CIMAP2: variants seen among roughly 807,000 people sequenced by gnomAD.
CIMAP2 encodes ciliary microtubule-associated protein 2.
At chr1:54,827,576 C>A in the CIMAP2 span, among the ~76,000 whole-genome samples, 88 of 152,262 alleles carry the variant, frequency 5.8e-4, no homozygotes, top group East Asian at 4.6e-3. Context: ...CACTTAGCTG[C>A]GTGACCTGGG....
chr1:54,827,545 G>A, the CIMAP2 span, among the ~76,000 whole-genome samples: 2 of 152,096 alleles, frequency 1.3e-5, no homozygotes, highest in East Asian at 1.9e-4. Context: ...TTCTAACCCC[G>A]GCTTAGAATT....
chr1:54,825,298 G>A, the CIMAP2 span, among the ~76,000 whole-genome samples: 2 of 151,784 alleles, frequency 1.3e-5, no homozygotes, highest in Non-Finnish European at 2.9e-5. Flanking sequence ...TGATCCTCCC[G>A]CCTCGGCCTC....
the CIMAP2 span, among the ~76,000 whole-genome samples, chr1:54,823,512 T>C: frequency 1.1e-4 from 17 of 152,360 alleles, no homozygotes; most frequent in Admixed American, 9.1e-4. Context: ...AGTTATCTTC[T>C]AGACAGCAGC....
At chr1:54,820,401 C>T in the CIMAP2 span, among the ~76,000 whole-genome samples, 11 of 151,782 alleles carry the variant, frequency 7.2e-5, no homozygotes, top group Non-Finnish European at 1.2e-4. Flanking sequence ...TGGTCTCAAA[C>T]TCCTGGCTTC....
the CIMAP2 span, among the ~76,000 whole-genome samples, chr1:54,824,177 A>G: frequency 6.6e-6 from 1 of 152,048 alleles, no homozygotes; most frequent in Non-Finnish European, 1.5e-5. Flanking sequence ...ATGTGCCACT[A>G]TGCCTAGATA....
chr1:54,817,047 G>C, the CIMAP2 span: 2 of 1,614,176 alleles, frequency 1.2e-6, no homozygotes, highest in Admixed American at 1.7e-5. Flanking sequence ...AAGGACAGGC[G>C]GCAGCGATAT....
the CIMAP2 span, among the ~76,000 whole-genome samples, chr1:54,835,814 C>G: frequency 6.6e-6 from 1 of 151,802 alleles, no homozygotes; most frequent in East Asian, 1.9e-4. Context: ...GAAGGCAGGT[C>G]GGGCCCAGGA....
chr1:54,807,765 C>A, the CIMAP2 span: 1 of 1,516,102 alleles, frequency 6.6e-7, no homozygotes, highest in Non-Finnish European at 8.8e-7. Flanking sequence ...TCTGTGTGGC[C>A]TTCAGTGTCC....
the CIMAP2 span, among the ~76,000 whole-genome samples, chr1:54,813,658 G>A: frequency 2.0e-4 from 17 of 83,220 alleles, no homozygotes; most frequent in Admixed American, 1.4e-3. Context: ...TTGTCAGGGG[G>A]GCCTTGAGGC....
the CIMAP2 span, chr1:54,806,242 G>A: frequency 4.0e-6 from 6 of 1,503,354 alleles, no homozygotes; most frequent in East Asian, 2.6e-5. Context: ...TTGCGTCCTG[G>A]GCTCACGCCC....
At chr1:54,836,397 A>G in the CIMAP2 span, among the ~76,000 whole-genome samples, 1 of 150,152 alleles carries the variant, frequency 6.7e-6, no homozygotes, top group Middle Eastern at 3.2e-3. Context: ...TAGAGACTTG[A>G]GCATATTTCT....
At chr1:54,812,519 G>T in the CIMAP2 span, among the ~76,000 whole-genome samples, 1 of 152,238 alleles carries the variant, frequency 6.6e-6, no homozygotes, top group Non-Finnish European at 1.5e-5. Context: ...TGGCCATGAG[G>T]AACCTTGATG....
chr1:54,811,778 CA>C, the CIMAP2 span: 35 of 580,464 alleles, frequency 6.0e-5, no homozygotes, highest in Middle Eastern at 4.3e-4. Context: ...TCCATGCCCC[CA>C]CCCCCGCCCC....
At chr1:54,819,487 C>T in the CIMAP2 span, among the ~76,000 whole-genome samples, 3 of 152,336 alleles carry the variant, frequency 2.0e-5, no homozygotes, top group African/African-American at 7.2e-5. Flanking sequence ...TCACCTTGGT[C>T]TCCCATGTAG....
At chr1:54,838,920 GA>G in the CIMAP2 span, among the ~76,000 whole-genome samples, 2 of 87,792 alleles carry the variant, frequency 2.3e-5, no homozygotes, top group Non-Finnish European at 5.5e-5. Flanking sequence ...GCCCAGATTC[GA>G]GTGGGGCAGG....
the CIMAP2 span, chr1:54,841,641 C>G: frequency 6.2e-7 from 1 of 1,614,088 alleles, no homozygotes. Flanking sequence ...TTGGAAAGGC[C>G]TAGAAGTCAT....
chr1:54,838,893 A>G, the CIMAP2 span, among the ~76,000 whole-genome samples: 1 of 151,218 alleles, frequency 6.6e-6, no homozygotes, highest in East Asian at 2.0e-4. Context: ...TGTTGGCCAA[A>G]GCAAGTTCCA....
At chr1:54,811,633 C>T in the CIMAP2 span, among the ~76,000 whole-genome samples, 5 of 151,958 alleles carry the variant, frequency 3.3e-5, no homozygotes, top group African/African-American at 1.2e-4. Flanking sequence ...GGTGGACGCT[C>T]ACGGGCAACA....
the CIMAP2 span, among the ~76,000 whole-genome samples, chr1:54,826,524 A>G: frequency 6.4e-4 from 97 of 152,266 alleles, no homozygotes; most frequent in African/African-American, 2.2e-3. Context: ...GGCTCTCAAA[A>G]TGGTGCTGTG....
Sources: gnomAD v4.1 joint callset for allele counts (sites outside exome capture counted in the v4.1 genomes callset) on GRCh38, gnomAD v4.1.1 for gene constraint, MANE v1.5 for transcripts, NCBI Gene and HGNC (gene_info 2026-07-23, HGNC 2026-07-21) for gene names.